The following DYNC1I1 variants were observed in gnomAD, a reference collection of about 807,000 sequenced individuals.
DYNC1I1 encodes the protein dynein cytoplasmic 1 intermediate chain 1.
DYNC1I1 carries 43 observed loss-of-function variants against 86.6 expected under a neutral mutation model. The observed-to-expected ratio is 0.50, with a 90% confidence interval of 0.39 to 0.64. The LOEUF (loss-of-function observed/expected upper bound fraction) is 0.64. Ranked by LOEUF, DYNC1I1 falls within the 30% of genes least tolerant of loss-of-function variation. The pLI is 0.00. For synonymous variants in DYNC1I1, 262 were observed against 283.7 expected, an observed-to-expected ratio of 0.92 and a Z score of 0.77; for missense variants, 604 against 788.8, an observed-to-expected ratio of 0.77 and a Z score of 2.81.
rs113964332 is a variant in DYNC1I1, at chr7:96,026,432, G to T, written c.970-1743G>T. The stretch of plus-strand genomic sequence containing the variant: ...AAAAAGAGGTCATAGGTTTTTTTTT[G>T]GGGTTTTTTTGTTACTACTTTGCTG... On this transcript the variant is annotated intron_variant, in intron 10 of 16. Transcript: ENST00000447467. 2.2e-3 allele frequency among the ~76,000 whole-genome samples: 333 copies of T among 149,594 alleles called. 2 individuals are homozygous for T. The highest frequency in any genetic ancestry group is 7.6e-3 in the African/African-American group (307 of 40,262).
Position 95,856,455 on chromosome 7 carries a change from G to A in DYNC1I1, c.375-13428G>A, listed in dbSNP as rs9640637. ...ATACATTCGCTTGTAAGCAGATAAT[G>A]TACTACAGACATTCCTTTCTATTAA... On this transcript the variant is annotated intron_variant, in intron 5 of 16. Coordinates refer to ENST00000447467, the MANE Select transcript of DYNC1I1 (RefSeq NM_001135556.2). Among the ~76,000 whole-genome samples the A allele has an allele frequency of 1.4e-3, 215 of 152,238 alleles. No individual in the cohort carries two copies. The East Asian group carries it at 0.036, about 26-fold the overall frequency.
intron 6 of DYNC1I1, among the ~76,000 whole-genome samples, chr7:95,958,344 G>A (rs988448522): frequency 3.9e-5 from 6 of 152,260 alleles, no homozygotes; most frequent in Non-Finnish European, 8.8e-5. Flanking sequence ...TACTCCTAGC[G>A]TTTTAAGAGG....
chr7:96,070,476 T>G (rs1290889407), intron 14 of DYNC1I1, among the ~76,000 whole-genome samples: 4 of 152,222 alleles, frequency 2.6e-5, no homozygotes, highest in Admixed American at 2.0e-4. Context: ...GGACATTTTC[T>G]TATTACTCAT....
intron 6 of DYNC1I1, among the ~76,000 whole-genome samples, chr7:95,953,235 G>A (rs531852108): frequency 1.3e-5 from 2 of 151,350 alleles, no homozygotes; most frequent in Non-Finnish European, 2.9e-5. Context: ...AGCAACTGTA[G>A]CATCTTTTGG....
At chr7:96,082,164 T>C (rs957057438) in intron 16 of DYNC1I1, among the ~76,000 whole-genome samples, 4 of 152,186 alleles carry the variant, frequency 2.6e-5, no homozygotes, top group African/African-American at 7.2e-5. Context: ...GAGTATTCTT[T>C]ATGTTTAATG....
chr7:95,907,782 T>TG (rs1011058126), intron 6 of DYNC1I1, among the ~76,000 whole-genome samples: 26 of 152,076 alleles, frequency 1.7e-4, no homozygotes, highest in African/African-American at 6.0e-4. Flanking sequence ...CTGTTTTTTT[T>TG]TTTTTTGGTC....
At chr7:96,061,414 C>A (rs1429450453) in intron 14 of DYNC1I1, among the ~76,000 whole-genome samples, 1 of 152,140 alleles carries the variant, frequency 6.6e-6, no homozygotes, top group African/African-American at 2.4e-5. Context: ...TCTGGACTCT[C>A]ACCCATCCAA....
chr7:95,908,726 G>T (rs893200460), intron 6 of DYNC1I1, among the ~76,000 whole-genome samples: 3 of 152,066 alleles, frequency 2.0e-5, no homozygotes, highest in African/African-American at 7.2e-5. Context: ...TTTCCCCAGC[G>T]GTTGGTTTAG....
intron 6 of DYNC1I1, among the ~76,000 whole-genome samples, chr7:95,938,277 A>G (rs1167737988): frequency 1.3e-5 from 2 of 152,196 alleles, no homozygotes; most frequent in African/African-American, 4.8e-5. Flanking sequence ...CTGATAAACT[A>G]TTTCTCAAGT....
chr7:96,021,226 C>G lies in DYNC1I1; in HGVS notation c.970-6949C>G, dbSNP rs186106156. Among the ~76,000 whole-genome samples, 5 of 152,250 alleles carry G rather than the reference C, an allele frequency of 3.3e-5. No homozygotes were observed. The East Asian group carries it at 9.7e-4, about 29-fold the overall frequency. On this transcript the variant is annotated intron_variant, in intron 10 of 16. Transcript: ENST00000447467. ...ATAAATAATTTGAAAATGTGTCCCT[C>G]AAATATGCAAACAAACAACTTAAGG...
chr7:95,992,583 G>T (rs1338779962), intron 9 of DYNC1I1, among the ~76,000 whole-genome samples: 2 of 152,008 alleles, frequency 1.3e-5, no homozygotes, highest in Admixed American at 6.6e-5. Context: ...TTCATAACGG[G>T]CACTTAAAAC....
At chr7:95,795,706 G>T (rs1179419068) in intron 1 of DYNC1I1, among the ~76,000 whole-genome samples, 1 of 151,986 alleles carries the variant, frequency 6.6e-6, no homozygotes, top group Non-Finnish European at 1.5e-5. Flanking sequence ...TAGACACATA[G>T]AGGGGAGCAA....
chr7:95,944,792 A>C (rs1792348095), intron 6 of DYNC1I1, among the ~76,000 whole-genome samples: 1 of 148,912 alleles, frequency 6.7e-6, no homozygotes, highest in South Asian at 2.2e-4. Flanking sequence ...CAAATACCGC[A>C]TATTCTCACT....
intron 6 of DYNC1I1, among the ~76,000 whole-genome samples, chr7:95,885,423 C>T (rs1006265033): frequency 2.0e-5 from 3 of 152,112 alleles, no homozygotes; most frequent in African/African-American, 7.2e-5. Flanking sequence ...GTGATCCATT[C>T]GCCTCAGCCT....
intron 14 of DYNC1I1, among the ~76,000 whole-genome samples, chr7:96,044,868 G>A (rs1207986429): frequency 6.6e-6 from 1 of 152,182 alleles, no homozygotes; most frequent in Non-Finnish European, 1.5e-5. Flanking sequence ...TGTGGTCAGT[G>A]TGGTGGGTCC....
chr7:96,009,011 C>T (rs1362258645), intron 10 of DYNC1I1, among the ~76,000 whole-genome samples: 3 of 152,090 alleles, frequency 2.0e-5, no homozygotes, highest in Admixed American at 2.0e-4. Context: ...TGCTTCATAA[C>T]ATCAAATTTG....
At chr7:96,026,929 A>G (rs192750270) in intron 10 of DYNC1I1, among the ~76,000 whole-genome samples, 1 of 152,322 alleles carries the variant, frequency 6.6e-6, no homozygotes, top group Admixed American at 6.5e-5. Flanking sequence ...CATAGCATGT[A>G]TCACATTCAA....
intron 9 of DYNC1I1, among the ~76,000 whole-genome samples, chr7:95,989,780 G>T (rs998059436): frequency 2.6e-5 from 4 of 152,190 alleles, no homozygotes; most frequent in Non-Finnish European, 5.9e-5. Context: ...CTGTGGGGAA[G>T]AGGTTTGCAA....
At chr7:95,789,509 G>A (rs768349505) in intron 1 of DYNC1I1, among the ~76,000 whole-genome samples, 3 of 152,072 alleles carry the variant, frequency 2.0e-5, no homozygotes, top group Non-Finnish European at 2.9e-5. Context: ...CTCTTTAATC[G>A]TCTGGTAGAT....
Sources: allele counts gnomAD v4.1 joint callset (sites outside exome capture counted in the v4.1 genomes callset), GRCh38; gene constraint gnomAD v4.1.1; transcripts MANE v1.5; gene names NCBI Gene and HGNC (gene_info 2026-07-23, HGNC 2026-07-21).